Variants in REDIC1 observed in about 807,000 individuals in gnomAD.
The protein encoded by REDIC1 is regulator of DNA class I crossover intermediates 1.
At chr12:39,859,248 A>C in the REDIC1 span, among the ~76,000 whole-genome samples, 1 of 151,450 alleles carries the variant, frequency 6.6e-6, no homozygotes, top group South Asian at 2.1e-4. Context: ...TTGGTTTAAC[A>C]ATGTTCAAGA....
chr12:39,871,575 T>C, the REDIC1 span, among the ~76,000 whole-genome samples: 1 of 152,188 alleles, frequency 6.6e-6, no homozygotes, highest in Non-Finnish European at 1.5e-5. Flanking sequence ...ATCCAAATTA[T>C]TCTTGCAGTT....
At chr12:39,770,335 C>T in the REDIC1 span, among the ~76,000 whole-genome samples, 1 of 152,094 alleles carries the variant, frequency 6.6e-6, no homozygotes, top group Non-Finnish European at 1.5e-5. Context: ...CTGCCATGGC[C>T]TCAAATGCAA....
the REDIC1 span, among the ~76,000 whole-genome samples, chr12:39,691,357 A>G: frequency 1.3e-5 from 2 of 152,194 alleles, no homozygotes; most frequent in African/African-American, 4.8e-5. Flanking sequence ...GAGAATGTAT[A>G]GAAAAAAATT....
the REDIC1 span, chr12:39,764,389 G>C: frequency 2.3e-6 from 3 of 1,292,226 alleles, no homozygotes; most frequent in Admixed American, 8.5e-5. Context: ...AATCACAAAT[G>C]ATATTATAGT....
At chr12:39,893,150 GA>G in the REDIC1 span, among the ~76,000 whole-genome samples, 1 of 152,036 alleles carries the variant, frequency 6.6e-6, no homozygotes, top group Non-Finnish European at 1.5e-5. Context: ...TCAAAAATAA[GA>G]AAGCAACAAC....
the REDIC1 span, chr12:39,716,765 C>A: frequency 6.2e-7 from 1 of 1,600,270 alleles, no homozygotes; most frequent in Non-Finnish European, 8.5e-7. Flanking sequence ...GCTCTTGATT[C>A]TGCACAGAGT....
chr12:39,784,724 C>T, the REDIC1 span, among the ~76,000 whole-genome samples: 8 of 152,062 alleles, frequency 5.3e-5, no homozygotes, highest in Admixed American at 3.9e-4. Flanking sequence ...AACTGACAAA[C>T]GGGATCTAAT....
At chr12:39,656,206 C>T in the REDIC1 span, among the ~76,000 whole-genome samples, 2 of 152,146 alleles carry the variant, frequency 1.3e-5, no homozygotes, top group African/African-American at 4.8e-5. Context: ...ATAGAATGAG[C>T]TGGGAAGTAT....
At chr12:39,652,169 C>T in the REDIC1 span, among the ~76,000 whole-genome samples, 2 of 152,010 alleles carry the variant, frequency 1.3e-5, no homozygotes, top group African/African-American at 2.4e-5. Context: ...TGGTGTTTCC[C>T]CCGAGTTTTT....
the REDIC1 span, among the ~76,000 whole-genome samples, chr12:39,643,453 T>A: frequency 6.6e-6 from 1 of 151,690 alleles, no homozygotes; most frequent in African/African-American, 2.4e-5. Flanking sequence ...AGAACAAGAT[T>A]TTAGCCTGTC....
the REDIC1 span, among the ~76,000 whole-genome samples, chr12:39,814,553 A>T: frequency 1.3e-5 from 2 of 152,188 alleles, no homozygotes; most frequent in Admixed American, 1.3e-4. Flanking sequence ...AAACTGAAGA[A>T]TGCTTTGGTA....
the REDIC1 span, among the ~76,000 whole-genome samples, chr12:39,780,777 A>G: frequency 6.6e-6 from 1 of 152,192 alleles, no homozygotes; most frequent in African/African-American, 2.4e-5. Context: ...TAATACATAC[A>G]CGAAAACATG....
At chr12:39,635,763 G>T in the REDIC1 span, among the ~76,000 whole-genome samples, 1 of 152,006 alleles carries the variant, frequency 6.6e-6, no homozygotes, top group Non-Finnish European at 1.5e-5. Context: ...TGCATGTTGT[G>T]CATATGTACC....
chr12:39,876,910 G>T, the REDIC1 span, among the ~76,000 whole-genome samples: 1 of 152,116 alleles, frequency 6.6e-6, no homozygotes, highest in African/African-American at 2.4e-5. Flanking sequence ...AGTTACATGA[G>T]AAAGTATGGA....
chr12:39,716,960 A>G, the REDIC1 span: 12 of 578,174 alleles, frequency 2.1e-5, no homozygotes, highest in South Asian at 7.6e-5. Flanking sequence ...AAAAATTAAT[A>G]TAAACAAAAA....
chr12:39,777,328 T>TA, the REDIC1 span, among the ~76,000 whole-genome samples: 1 of 152,194 alleles, frequency 6.6e-6, no homozygotes, highest in East Asian at 1.9e-4. Flanking sequence ...ACTCCAGAGT[T>TA]ATGATAAATA....
At chr12:39,854,063 C>A in the REDIC1 span, among the ~76,000 whole-genome samples, 1 of 151,442 alleles carries the variant, frequency 6.6e-6, no homozygotes, top group African/African-American at 2.4e-5. Context: ...TTAGCATTTC[C>A]TACAATATTC....
chr12:39,876,321 T>A, the REDIC1 span, among the ~76,000 whole-genome samples: 1 of 152,186 alleles, frequency 6.6e-6, no homozygotes, highest in African/African-American at 2.4e-5. Context: ...ATGCTGACTT[T>A]TAACTAGCAA....
chr12:39,711,311 T>A, the REDIC1 span, among the ~76,000 whole-genome samples: 1 of 148,654 alleles, frequency 6.7e-6, no homozygotes, highest in African/African-American at 2.5e-5. Flanking sequence ...TATATGTGTA[T>A]ATATCCATAT....
Sources: allele counts gnomAD v4.1 joint callset (sites outside exome capture counted in the v4.1 genomes callset), GRCh38; gene constraint gnomAD v4.1.1; transcripts MANE v1.5; gene names NCBI Gene and HGNC (gene_info 2026-07-23, HGNC 2026-07-21).